The following RAP1GAP2 variants were observed in gnomAD, a reference collection of about 807,000 sequenced individuals.
RAP1GAP2 encodes rap1 GTPase-activating protein 2.
In RAP1GAP2, 27 loss-of-function variants were observed where a neutral mutation model predicts 95.0. That is an observed-to-expected ratio of 0.28 (90% confidence interval 0.21 to 0.39). The LOEUF (loss-of-function observed/expected upper bound fraction) is 0.39, where lower values mean the gene tolerates loss of function less well. Among genes scored for constraint, RAP1GAP2 ranks in the 10% least tolerant of loss-of-function variants. RAP1GAP2 has a pLI of 1.00. For synonymous variants in RAP1GAP2, 373 were observed against 380.9 expected, an observed-to-expected ratio of 0.98 and a Z score of 0.24; for missense variants, 771 against 970.0, an observed-to-expected ratio of 0.79 and a Z score of 2.72.
intron 2 of RAP1GAP2, among the ~76,000 whole-genome samples, chr17:2,893,351 T>C (rs4790101): frequency 0.28 from 42,802 of 152,126 alleles, 6,442 homozygotes; most frequent in African/African-American, 0.33. Context: ...CCCTTACTGT[T>C]ATTTTAATGG....
intron 2 of RAP1GAP2, among the ~76,000 whole-genome samples, chr17:2,814,693 G>C (rs760637901): frequency 1.3e-5 from 2 of 152,098 alleles, no homozygotes; most frequent in Non-Finnish European, 1.5e-5. Context: ...CCCTACCTTG[G>C]GTTGAGCTGT....
chr17:2,829,723 T>C (rs910199719), intron 2 of RAP1GAP2, among the ~76,000 whole-genome samples: 2 of 152,152 alleles, frequency 1.3e-5, no homozygotes, highest in Admixed American at 1.3e-4. Flanking sequence ...GCCTCCTGGC[T>C]GTCGGATGTC....
chr17:2,831,788 G>A (rs1277719809), intron 2 of RAP1GAP2, among the ~76,000 whole-genome samples: 4 of 151,996 alleles, frequency 2.6e-5, no homozygotes, highest in African/African-American at 7.3e-5. Flanking sequence ...CCAGGTACTG[G>A]GGAGGCTGAG....
intron 17 of RAP1GAP2, among the ~76,000 whole-genome samples, chr17:3,012,132 T>A (rs1480335720): frequency 2.6e-5 from 4 of 152,136 alleles, no homozygotes; most frequent in African/African-American, 7.2e-5. Flanking sequence ...TCCTTACAGC[T>A]CACTTCTGTC....
chr17:2,786,203 G>T (rs920544425), intron 1 of RAP1GAP2, among the ~76,000 whole-genome samples: 1 of 152,146 alleles, frequency 6.6e-6, no homozygotes, highest in Non-Finnish European at 1.5e-5. Flanking sequence ...GCCCAGCCTG[G>T]AGTTATTCTT....
At chr17:2,979,186 A>G (rs2045249727) in intron 8 of RAP1GAP2, among the ~76,000 whole-genome samples, 1 of 152,174 alleles carries the variant, frequency 6.6e-6, no homozygotes, top group African/African-American at 2.4e-5. Context: ...AATGTGCTGA[A>G]TGAATCAGGG....
chr17:2,822,783 G>A lies in RAP1GAP2; in HGVS notation c.80+22233G>A, dbSNP rs980838304. On this transcript the variant is annotated intron_variant, in intron 2 of 24. Coordinates refer to ENST00000254695, the MANE Select transcript of RAP1GAP2 (RefSeq NM_015085.5). ...AGGTTTGTTACATATGTATACATGT[G>A]CCATGTTGGTGTGCTGCACCCATTA... 2.0e-5 allele frequency among the ~76,000 whole-genome samples: 3 copies of A among 151,170 alleles called. No individual in the cohort carries two copies. In the South Asian group the frequency reaches 6.2e-4, roughly 31 times the overall value.
chr17:2,775,275 A>G (rs995070473), upstream of RAP1GAP2, among the ~76,000 whole-genome samples: 6 of 152,138 alleles, frequency 3.9e-5, no homozygotes, highest in Non-Finnish European at 7.4e-5. Flanking sequence ...GACGATAAAC[A>G]TGTAAACGCA....
chr17:2,894,065 C>A (rs1230150500), intron 2 of RAP1GAP2, among the ~76,000 whole-genome samples: 1 of 152,012 alleles, frequency 6.6e-6, no homozygotes, highest in Non-Finnish European at 1.5e-5. Context: ...CACCTGAGGT[C>A]AAGGGTTTGA....
chr17:2,920,078 C>T (rs1175617115), intron 3 of RAP1GAP2, among the ~76,000 whole-genome samples: 2 of 150,786 alleles, frequency 1.3e-5, no homozygotes, highest in African/African-American at 2.4e-5. Context: ...GATCAGGGCT[C>T]ACTGCAGCCT....
At chr17:2,883,583 C>CT (rs931040156) in intron 2 of RAP1GAP2, among the ~76,000 whole-genome samples, 3 of 151,860 alleles carry the variant, frequency 2.0e-5, no homozygotes, top group South Asian at 2.1e-4. Flanking sequence ...CTCCTGTTTT[C>CT]TTTTTTTTTC....
At chr17:2,901,549 G>C (rs1245571836) in intron 2 of RAP1GAP2, among the ~76,000 whole-genome samples, 1 of 152,154 alleles carries the variant, frequency 6.6e-6, no homozygotes, top group Admixed American at 6.6e-5. Flanking sequence ...TGGCAAGATA[G>C]ATCCCTGTGG....
At chr17:2,994,392 G>T (rs2045883332) in intron 12 of RAP1GAP2, among the ~76,000 whole-genome samples, 1 of 152,328 alleles carries the variant, frequency 6.6e-6, no homozygotes, top group Non-Finnish European at 1.5e-5. Context: ...TATAAAGGCA[G>T]AAGGGACAAC....
rs557373580 is a variant in RAP1GAP2, at chr17:2,895,223, A to C, written c.81-10061A>C. Among the ~76,000 whole-genome samples, 6 of 152,312 alleles carry C rather than the reference A, an allele frequency of 3.9e-5. No homozygotes were observed. In the South Asian group the frequency reaches 6.2e-4, roughly 16 times the overall value. On this transcript the variant is annotated intron_variant, in intron 2 of 24. Coordinates refer to ENST00000254695, the MANE Select transcript of RAP1GAP2 (RefSeq NM_015085.5). ...TCAAAGCTCAGTAAGTGACTGTTACAGTGAAGACCACCCCAGGTGCCCTCG... is the reference window on the plus strand; with the variant it reads ...TCAAAGCTCAGTAAGTGACTGTTACCGTGAAGACCACCCCAGGTGCCCTCG...
chr17:2,966,743 G>A (rs986598180), intron 8 of RAP1GAP2, among the ~76,000 whole-genome samples: 31 of 152,176 alleles, frequency 2.0e-4, no homozygotes, highest in African/African-American at 6.8e-4. Context: ...AATTTTCTGA[G>A]AGGTTAATAC....
chr17:2,844,750 T>C (rs954820036), intron 2 of RAP1GAP2, among the ~76,000 whole-genome samples: 2 of 152,160 alleles, frequency 1.3e-5, no homozygotes, highest in South Asian at 2.1e-4. Context: ...AAACTGTCGT[T>C]GGCTAAGCCA....
chr17:2,984,604 A>G (rs937885480), intron 10 of RAP1GAP2, among the ~76,000 whole-genome samples: 1 of 152,168 alleles, frequency 6.6e-6, no homozygotes, highest in Non-Finnish European at 1.5e-5. Flanking sequence ...TAGAGGTGGA[A>G]TTAGGACTAG....
chr17:2,890,720 T>A (rs1055327816), intron 2 of RAP1GAP2, among the ~76,000 whole-genome samples: 20 of 150,974 alleles, frequency 1.3e-4, no homozygotes, highest in African/African-American at 4.6e-4. Context: ...AGTCTTGCTC[T>A]GTCACCCAGG....
intron 3 of RAP1GAP2, among the ~76,000 whole-genome samples, chr17:2,918,679 C>G (rs1266827377): frequency 1.3e-5 from 2 of 152,094 alleles, no homozygotes; most frequent in African/African-American, 2.4e-5. Context: ...GAGGACGGCA[C>G]CAGGGAGGGG....
Sources: allele counts gnomAD v4.1 joint callset (sites outside exome capture counted in the v4.1 genomes callset), GRCh38; gene constraint gnomAD v4.1.1; transcripts MANE v1.5; gene names NCBI Gene and HGNC (gene_info 2026-07-23, HGNC 2026-07-21).